Variants in BTBD8 observed in about 807,000 individuals in gnomAD.
The protein encoded by BTBD8 is BTB/POZ domain-containing protein 8.
BTBD8 carries 110 observed loss-of-function variants against 162.9 expected under a neutral mutation model. The ratio of observed to expected loss-of-function variants is 0.68; its 90% CI spans 0.58 to 0.79. BTBD8 has a LOEUF of 0.79. Ranked by LOEUF, BTBD8 falls within the 30% of genes least tolerant of loss-of-function variation. The pLI is 0.00. For missense variants in BTBD8, 1,905 were observed against 2,085.4 expected, an observed-to-expected ratio of 0.91 and a Z score of 1.68; for synonymous variants, 667 against 716.1, an observed-to-expected ratio of 0.93 and a Z score of 1.10.
chr1:92,125,035 T>C (rs184152727), intron 4 of BTBD8, among the ~76,000 whole-genome samples: 7 of 152,368 alleles, frequency 4.6e-5, no homozygotes, highest in Admixed American at 2.6e-4. Context: ...TTATAGTCTC[T>C]TATTGATATT....
At chr1:92,149,191 A>G (rs930617208) in intron 9 of BTBD8, among the ~76,000 whole-genome samples, 16 of 152,328 alleles carry the variant, frequency 1.1e-4, no homozygotes, top group African/African-American at 3.8e-4. Flanking sequence ...ATGTTTGTCT[A>G]TATATTAATC....
At chr1:92,158,370 T>C (rs1650207121) in intron 9 of BTBD8, among the ~76,000 whole-genome samples, 1 of 151,520 alleles carries the variant, frequency 6.6e-6, no homozygotes, top group Admixed American at 6.6e-5. Flanking sequence ...TACTAAATTT[T>C]TTTCTCTTTT....
chr1:92,115,134 G>C (rs556796073), intron 4 of BTBD8: 2 of 493,350 alleles, frequency 4.1e-6, no homozygotes, highest in African/African-American at 3.9e-5. Flanking sequence ...CTTCCTGTTC[G>C]ACTTGGGGAT....
chr1:92,151,036 A>G (rs984533610), intron 9 of BTBD8, among the ~76,000 whole-genome samples: 3 of 152,168 alleles, frequency 2.0e-5, no homozygotes, highest in African/African-American at 7.2e-5. Flanking sequence ...GTAAGATATC[A>G]GCTGGTGAGA....
intron 9 of BTBD8, among the ~76,000 whole-genome samples, chr1:92,148,081 A>T (rs919654981): frequency 3.3e-5 from 5 of 152,082 alleles, no homozygotes; most frequent in Admixed American, 6.6e-5. Context: ...AGCAGTATTG[A>T]CCCACTCACC....
At chr1:92,094,080 T>G (rs770146986) in intron 2 of BTBD8, among the ~76,000 whole-genome samples, 15 of 152,250 alleles carry the variant, frequency 9.9e-5, no homozygotes, top group Non-Finnish European at 1.8e-4. Context: ...TATCTTGTTT[T>G]ATTTTTTTTC....
At chr1:92,083,622 G>T (rs1250764903) in intron 1 of BTBD8, among the ~76,000 whole-genome samples, 1 of 152,134 alleles carries the variant, frequency 6.6e-6, no homozygotes, top group Non-Finnish European at 1.5e-5. Context: ...GATCACAGGG[G>T]CTTTCTTTCT....
In BTBD8 at chr1:92,103,763, A is replaced by G. The variant is rs574023598; in HGVS notation, c.544+1094A>G. 2.6e-5 allele frequency among the ~76,000 whole-genome samples: 4 copies of G among 152,238 alleles called. No homozygotes were observed. In the East Asian group the frequency reaches 7.7e-4, roughly 29 times the overall value. ...ATAAGGAAATGACTTCCAGGGGAGGAATGTTTCTCAATTTTTCTGGAGTAA... is the reference window on the plus strand; with the variant it reads ...ATAAGGAAATGACTTCCAGGGGAGGGATGTTTCTCAATTTTTCTGGAGTAA... On this transcript the variant is annotated intron_variant, in intron 3 of 17. Transcript: ENST00000636805.
At position 92,184,158 on chromosome 1, in the gene BTBD8, C is replaced by T. The variant is rs1651010451; in HGVS notation, c.5207C>T (p.Ala1736Val). 1 of 1,551,468 alleles carries T rather than the reference C, an allele frequency of 6.4e-7. No individual in the cohort carries two copies. The highest frequency in any genetic ancestry group is 1.2e-5 in the South Asian group (1 of 84,068). ...QYLINQTLLL[A>V]RDSSKPQGIT... ...CTAATCAATCAGACACTACTTTTAG[C>T]ACGAGATAGCTCAAAACCTCAGGGT... Residue 1736 changes from alanine to valine, a missense_variant, in exon 18 of 18, where the codon GCA (alanine) becomes GTA (valine). Physicochemically the swap from Ala to Val is moderately conservative, Grantham distance 64. This residue lies in a region of BTBD8 where 517 missense variants were observed against 606.6 expected (regional missense o/e 0.85). Coordinates refer to ENST00000636805, the MANE Select transcript of BTBD8 (RefSeq NM_001376131.1).
chr1:92,117,370 G>A (rs1649072537), intron 4 of BTBD8, among the ~76,000 whole-genome samples: 1 of 150,936 alleles, frequency 6.6e-6, no homozygotes, highest in Admixed American at 6.6e-5. Context: ...TTTTTAGCAG[G>A]CATTTAAGTT....
At chr1:92,174,355 T>C (rs975216632) in intron 13 of BTBD8, among the ~76,000 whole-genome samples, 6 of 152,092 alleles carry the variant, frequency 3.9e-5, no homozygotes, top group African/African-American at 1.4e-4. Context: ...GCCTGGCTAA[T>C]GTTTGTATTT....
In BTBD8 at chr1:92,120,594, G is replaced by A. The variant is rs1189498102; in HGVS notation, c.663-9093G>A. 2.0e-5 allele frequency among the ~76,000 whole-genome samples: 3 copies of A among 152,154 alleles called. No individual in the cohort carries two copies. In the South Asian group the frequency reaches 6.2e-4, roughly 31 times the overall value. ...TTTTATACAGCTGGCAGCACAGTAG[G>A]TTTATTTATACCAGCACCTCCACAA... is the stretch of plus-strand genomic sequence containing the variant. On this transcript the variant is annotated intron_variant, in intron 4 of 17. Coordinates refer to ENST00000636805, the MANE Select transcript of BTBD8 (RefSeq NM_001376131.1).
intron 2 of BTBD8, among the ~76,000 whole-genome samples, chr1:92,092,285 C>T (rs966216925): frequency 8.6e-5 from 13 of 151,794 alleles, no homozygotes; most frequent in African/African-American, 3.1e-4. Context: ...ACCTAATAGT[C>T]CTGGCTACTC....
At chr1:92,129,604 TA>T in intron 4 of BTBD8, 82 bp from the exon 5 acceptor site, 1 of 1,077,288 alleles carries the variant, frequency 9.3e-7, no homozygotes. Context: ...TTTTAATACA[TA>T]AAGATGAAAA....
rs1204462402 is a variant in BTBD8, at chr1:92,181,501, G to C, written c.3818G>C (p.Gly1273Ala). 3 of 1,551,494 alleles carry C rather than the reference G, an allele frequency of 1.9e-6. No homozygotes were observed. The South Asian group carries it at 3.6e-5, about 18-fold the overall frequency. Residue 1273 changes from glycine (G) to alanine (A), a missense_variant, in exon 17 of 18, where the codon GGG (glycine) becomes GCG (alanine). By Grantham distance (60) the Gly-to-Ala change is moderately conservative. Coordinates refer to ENST00000636805, the MANE Select transcript of BTBD8 (RefSeq NM_001376131.1). ...KPRSEDYDAG[G>A]SQDDDGSNDR... ...AGATCTGAAGACTATGATGCTGGAG[G>C]GTCTCAGGATGATGATGGGTCAAAT... is the stretch of plus-strand genomic sequence containing the variant.
chr1:92,080,849 G>A, intron 1 of BTBD8, 129 bp downstream of exon 1: 2 of 1,422,540 alleles, frequency 1.4e-6, no homozygotes, highest in South Asian at 2.7e-5. Context: ...AGGCGACTGC[G>A]GGTCGTTAGC....
At chr1:92,152,871 C>T (rs1650075078) in intron 9 of BTBD8, among the ~76,000 whole-genome samples, 1 of 152,088 alleles carries the variant, frequency 6.6e-6, no homozygotes, top group Non-Finnish European at 1.5e-5. Flanking sequence ...GATCAATAGC[C>T]TCTGGCATCA....
intron 9 of BTBD8, among the ~76,000 whole-genome samples, chr1:92,157,643 A>C (rs552002679): frequency 6.6e-6 from 1 of 151,020 alleles, no homozygotes; most frequent in South Asian, 2.1e-4. Flanking sequence ...AACTACAGGC[A>C]TGTGCCATCA....
In BTBD8 at chr1:92,177,179, A is replaced by G; in HGVS notation, c.1986A>G (p.Ser662=). The G allele has an allele frequency of 6.4e-7, 1 of 1,551,890 alleles. No individual in the cohort carries two copies. The highest frequency in any genetic ancestry group is 8.7e-7 in the Non-Finnish European group (1 of 1,147,026). ...NMSPRQVVER[S]ATAAAAATGQ... is the part of the protein sequence containing the mutation. ...CACCTAGACAAGTTGTAGAAAGATCAGCAACAGCAGCAGCAGCAGCAACTG... is the reference window on the plus strand; with the variant it reads ...CACCTAGACAAGTTGTAGAAAGATCGGCAACAGCAGCAGCAGCAGCAACTG... Residue 662 remains serine (S), a synonymous_variant, in exon 14 of 18, where the codon TCA becomes TCG. Coordinates refer to ENST00000636805, the MANE Select transcript of BTBD8 (RefSeq NM_001376131.1).
Sources: allele counts gnomAD v4.1 joint callset (sites outside exome capture counted in the v4.1 genomes callset), GRCh38; gene constraint gnomAD v4.1.1; regional missense constraint gnomAD v4.1.1; transcripts MANE v1.5; gene names NCBI Gene and HGNC (gene_info 2026-07-23, HGNC 2026-07-21).